The following TBC1D32 variants were observed in gnomAD, a reference collection of about 807,000 sequenced individuals.
TBC1D32 encodes the protein protein broad-minded.
A neutral mutation model predicts 170.3 loss-of-function variants in TBC1D32; 151 were observed. The ratio of observed to expected loss-of-function variants is 0.89; its 90% confidence interval spans 0.78 to 1.01. The LOEUF is 1.01. TBC1D32 is among the 50% of genes least tolerant of loss of function. TBC1D32 has a pLI of 0.00. For synonymous variants in TBC1D32, 498 were observed against 488.0 expected (o/e 1.02, Z -0.27); for missense variants, 1,464 against 1,457.1 (o/e 1.00, Z -0.08).
At chr6:121,312,337 G>A (rs1020015520) in intron 3 of TBC1D32, among the ~76,000 whole-genome samples, 2 of 152,156 alleles carry the variant, frequency 1.3e-5, no homozygotes, top group Non-Finnish European at 2.9e-5. Flanking sequence ...TTCTGCACAT[G>A]TATCCCAGAA....
rs767677347 is a variant in TBC1D32 at position 121,304,789 on chromosome 6, T to C, written c.735A>G (p.Pro245=). The C allele has an allele frequency of 2.5e-6, 4 of 1,609,296 alleles. No individual in the cohort carries two copies. Among genetic ancestry groups the C allele is most frequent in the Non-Finnish European group, 3.4e-6 (4 of 1,178,454 alleles). ...TATAAATTTCCTTGGTCATATGTAATGGAGAAAGCAAAAATGTCTGTGCAC... is the reference window on the plus strand; with the variant it reads ...TATAAATTTCCTTGGTCATATGTAACGGAGAAAGCAAAAATGTCTGTGCAC... ...KFCAQTFLLS[P]LHMTKEIYTS... Residue 245 remains proline (P), a synonymous_variant, in exon 6 of 32, where the codon CCA becomes CCG. Transcript: ENST00000398212.
intron 30 of TBC1D32, among the ~76,000 whole-genome samples, chr6:121,101,159 C>A (rs1215344792): frequency 6.6e-6 from 1 of 152,046 alleles, no homozygotes; most frequent in African/African-American, 2.4e-5. Context: ...ACCAGAGGTA[C>A]AAGGAGGAGC....
chr6:121,089,287 A>C (rs959611245), intron 31 of TBC1D32, among the ~76,000 whole-genome samples: 1 of 152,164 alleles, frequency 6.6e-6, no homozygotes, highest in African/African-American at 2.4e-5. Flanking sequence ...TTTACCAGAG[A>C]AGACAGACAA....
rs148152423 is a variant in TBC1D32, at chr6:121,260,595, A to G, written c.1734-4310T>C. Among the ~76,000 whole-genome samples the G allele has an allele frequency of 5.8e-3, 886 of 152,288 alleles. 8 individuals carry two copies. Among genetic ancestry groups the G allele is most frequent in the African/African-American group, 0.02 (838 of 41,566 alleles). Reference sequence around the variant, plus strand: ...CCTCAGCCAAGTGGGATGGTGATTGAGCATGCTACCCAGCCTGGGAAGCTG... The same window carrying G: ...CCTCAGCCAAGTGGGATGGTGATTGGGCATGCTACCCAGCCTGGGAAGCTG... On this transcript the variant is annotated intron_variant, in intron 15 of 31. Transcript: ENST00000398212.
At chr6:121,231,404 T>TATAATGAC (rs1308988300) in intron 20 of TBC1D32, among the ~76,000 whole-genome samples, 2 of 152,196 alleles carry the variant, frequency 1.3e-5, no homozygotes, top group African/African-American at 4.8e-5. Flanking sequence ...ATCTTTTTTG[T>TATAATGAC]ATAATGACTT....
chr6:121,085,124 GAGA>G (rs942740024), intron 31 of TBC1D32, among the ~76,000 whole-genome samples: 10 of 150,912 alleles, frequency 6.6e-5, no homozygotes, highest in African/African-American at 1.7e-4. Flanking sequence ...AAGCTCTTGA[GAGA>G]AGGAGGATTT....
chr6:121,281,837 C>T (rs1040844273), intron 13 of TBC1D32, 151 bp from the exon 14 acceptor site: 1 of 532,408 alleles, frequency 1.9e-6, no homozygotes, highest in Non-Finnish European at 3.1e-6. Flanking sequence ...GATGTACTAC[C>T]AAATTATAAC....
chr6:121,241,279 T>C (rs928327569), intron 19 of TBC1D32, among the ~76,000 whole-genome samples, 186 bp downstream of exon 19: 1 of 152,190 alleles, frequency 6.6e-6, no homozygotes, highest in African/African-American at 2.4e-5. Flanking sequence ...AAAACCGTAT[T>C]GGAATTTCAT....
chr6:121,268,997 A>G (rs1470011926), intron 15 of TBC1D32, among the ~76,000 whole-genome samples: 1 of 152,184 alleles, frequency 6.6e-6, no homozygotes, highest in African/African-American at 2.4e-5. Context: ...CCAGAATTTC[A>G]TGTCCAGCCA....
intron 17 of TBC1D32, among the ~76,000 whole-genome samples, chr6:121,245,725 C>A (rs2128371512): frequency 6.6e-6 from 1 of 152,190 alleles, no homozygotes; most frequent in East Asian, 1.9e-4. Context: ...ACGGGAGGAG[C>A]AAACTCCCCT....
intron 26 of TBC1D32, among the ~76,000 whole-genome samples, chr6:121,125,288 CAT>C (rs1365091866): frequency 3.9e-5 from 6 of 152,252 alleles, no homozygotes; most frequent in African/African-American, 1.4e-4. Flanking sequence ...CTGAGATTGA[CAT>C]AGCTTTCCAG....
At chr6:121,289,976 T>C (rs1257609974) in intron 12 of TBC1D32, among the ~76,000 whole-genome samples, 2 of 152,190 alleles carry the variant, frequency 1.3e-5, no homozygotes, top group African/African-American at 4.8e-5. Flanking sequence ...ATCCCTTCCT[T>C]ACACCTTATA....
chr6:121,319,900 C>T (rs1049818966), intron 2 of TBC1D32, among the ~76,000 whole-genome samples: 7 of 152,006 alleles, frequency 4.6e-5, no homozygotes, highest in African/African-American at 1.7e-4. Context: ...AATATAAACA[C>T]CATTGAGTAG....
intron 26 of TBC1D32, among the ~76,000 whole-genome samples, chr6:121,119,002 T>G (rs1779975543): frequency 6.6e-6 from 1 of 152,306 alleles, no homozygotes; most frequent in African/African-American, 2.4e-5. Flanking sequence ...CTTCTCTTGC[T>G]TATTTCCATT....
At position 121,274,106 on chromosome 6, in the gene TBC1D32, G is replaced by A. The variant is rs145476027; in HGVS notation, c.1733+5015C>T. ...TCCCAGCACTTTAGTAGGCCAAGGC[G>A]GGCAGATCATGAGGTCGGGAGGTGG... On this transcript the variant is annotated intron_variant, in intron 15 of 31. Coordinates refer to ENST00000398212, the MANE Select transcript of TBC1D32 (RefSeq NM_152730.6). Among the ~76,000 whole-genome samples the A allele has an allele frequency of 1.0e-2, 1,516 of 152,160 alleles. 25 individuals are homozygous for A. The highest frequency in any genetic ancestry group is 0.031 in the African/African-American group (1,285 of 41,508).
At chr6:121,311,968 T>C (rs767285072) in intron 3 of TBC1D32, among the ~76,000 whole-genome samples, 2 of 152,034 alleles carry the variant, frequency 1.3e-5, no homozygotes, top group African/African-American at 2.4e-5. Context: ...TGCCTATCAA[T>C]GATAGGTTGG....
intron 31 of TBC1D32, among the ~76,000 whole-genome samples, chr6:121,082,188 A>G (rs1448481708): frequency 6.6e-6 from 1 of 152,036 alleles, no homozygotes; most frequent in African/African-American, 2.4e-5. Flanking sequence ...AATGTTGACA[A>G]CTGAGGTGTA....
At chr6:121,233,704 A>G (rs1027128810) in intron 20 of TBC1D32, among the ~76,000 whole-genome samples, 3 of 152,252 alleles carry the variant, frequency 2.0e-5, no homozygotes, top group Middle Eastern at 3.4e-3. Flanking sequence ...GGCCATTTAC[A>G]TTCAACGATA....
At chr6:121,252,507 G>A (rs1048370656) in intron 17 of TBC1D32, among the ~76,000 whole-genome samples, 2 of 152,158 alleles carry the variant, frequency 1.3e-5, no homozygotes, top group Non-Finnish European at 2.9e-5. Flanking sequence ...CTCATAAGTA[G>A]GAGTCAAACG....
Sources: gnomAD v4.1 joint callset for allele counts (sites outside exome capture counted in the v4.1 genomes callset) on GRCh38, gnomAD v4.1.1 for gene constraint, MANE v1.5 for transcripts, NCBI Gene and HGNC (gene_info 2026-07-23, HGNC 2026-07-21) for gene names.